The following IL1RAPL2 variants were observed in gnomAD, a reference collection of about 807,000 sequenced individuals.
The protein encoded by IL1RAPL2 is interleukin 1 receptor accessory protein like 2.
In IL1RAPL2, 3 loss-of-function variants were observed where a neutral mutation model predicts 44.1. That is an observed-to-expected ratio of 0.07 (90% CI 0.03 to 0.18). The LOEUF is 0.18. Ranked by LOEUF, IL1RAPL2 falls within the 10% of genes least tolerant of loss-of-function variation. The probability of loss-of-function intolerance (pLI) is 1.00; values close to 1 mark genes in which losing one functional copy is unlikely to be tolerated. For synonymous variants in IL1RAPL2, 181 were observed against 178.8 expected (o/e 1.01, Z -0.10); for missense variants, 391 against 496.4 (o/e 0.79, Z 2.02).
chrX:104,995,937 A>T (rs1023288222), intron 2 of IL1RAPL2, among the ~76,000 whole-genome samples: 4 of 112,084 alleles, frequency 3.6e-5, no homozygotes, highest in African/African-American at 1.3e-4. Flanking sequence ...CCACTCACAT[A>T]TATGGCTATT....
At chrX:105,335,441 C>T (rs1388578470) in intron 5 of IL1RAPL2, among the ~76,000 whole-genome samples, 2 of 111,094 alleles carry the variant, frequency 1.8e-5, no homozygotes, top group Non-Finnish European at 3.8e-5. Flanking sequence ...AGTGAGTCCT[C>T]GGTTCAGATG....
intron 2 of IL1RAPL2, among the ~76,000 whole-genome samples, chrX:104,676,892 C>G (rs182581987): frequency 8.9e-6 from 1 of 111,974 alleles, no homozygotes; most frequent in African/African-American, 3.2e-5. Context: ...TTGATCACAT[C>G]GGCTCTTGAG....
intron 2 of IL1RAPL2, among the ~76,000 whole-genome samples, chrX:104,909,982 C>G (rs1924178991): frequency 8.9e-6 from 1 of 112,602 alleles, no homozygotes; most frequent in Middle Eastern, 4.6e-3. Context: ...TGATCTCAGA[C>G]TGCTGTGCTA....
intron 2 of IL1RAPL2, among the ~76,000 whole-genome samples, chrX:104,752,755 G>T (rs757790252): frequency 2.7e-5 from 3 of 110,634 alleles, no homozygotes; most frequent in South Asian, 3.9e-4. Context: ...GATCACCTTC[G>T]TTATCTGCAG....
At chrX:104,567,793 C>A (rs971924036) in intron 1 of IL1RAPL2, among the ~76,000 whole-genome samples, 3 of 112,149 alleles carry the variant, frequency 2.7e-5, no homozygotes, top group African/African-American at 6.5e-5. Flanking sequence ...GCTCGCCTTG[C>A]CTCTCTGGGC....
At chrX:104,582,860 C>CTTTT (rs1569487710) in intron 1 of IL1RAPL2, among the ~76,000 whole-genome samples, 1 of 73,957 alleles carries the variant, frequency 1.4e-5, no homozygotes, top group African/African-American at 5.5e-5. Flanking sequence ...TTCTTTCTTT[C>CTTTT]TTTCTTTCTT....
intron 2 of IL1RAPL2, among the ~76,000 whole-genome samples, chrX:105,029,641 C>G (rs2031446156): frequency 1.8e-5 from 2 of 109,461 alleles, no homozygotes; most frequent in African/African-American, 3.4e-5. Context: ...TTTCTTAATC[C>G]TGTCTATCAT....
chrX:104,771,570 G>A (rs1172828168), intron 2 of IL1RAPL2, among the ~76,000 whole-genome samples: 1 of 112,549 alleles, frequency 8.9e-6, no homozygotes, highest in African/African-American at 3.2e-5. Context: ...TACCATAATA[G>A]TTGGGTTTTT....
chrX:104,963,165 T>G (rs2030041451), intron 2 of IL1RAPL2, among the ~76,000 whole-genome samples: 1 of 111,915 alleles, frequency 8.9e-6, no homozygotes, highest in South Asian at 3.8e-4. Flanking sequence ...AAGTGAGATC[T>G]GGATTTAATT....
chrX:105,146,487 G>T (rs1216885930), intron 2 of IL1RAPL2, among the ~76,000 whole-genome samples: 1 of 111,522 alleles, frequency 9.0e-6, no homozygotes, highest in Non-Finnish European at 1.9e-5. Flanking sequence ...ATAAATATTT[G>T]TATCTTATAC....
At chrX:104,655,325 T>G (rs1011729399) in intron 1 of IL1RAPL2, among the ~76,000 whole-genome samples, 2 of 111,384 alleles carry the variant, frequency 1.8e-5, no homozygotes, top group African/African-American at 6.5e-5. Context: ...AAATGGCTCT[T>G]ATTATTTTGA....
chrX:105,031,489 C>T (rs2031494720), intron 2 of IL1RAPL2, among the ~76,000 whole-genome samples: 1 of 111,790 alleles, frequency 8.9e-6, no homozygotes, highest in African/African-American at 3.3e-5. Flanking sequence ...TTTTCTGCAT[C>T]TATTGAGATA....
intron 5 of IL1RAPL2, among the ~76,000 whole-genome samples, chrX:105,303,152 C>T (rs182472335): frequency 2.7e-5 from 3 of 112,233 alleles, no homozygotes; most frequent in East Asian, 5.7e-4. Context: ...CTTTCATACC[C>T]TCTTTAGTGC....
At chrX:105,303,783 A>C (rs1040205673) in intron 5 of IL1RAPL2, among the ~76,000 whole-genome samples, 10 of 112,194 alleles carry the variant, frequency 8.9e-5, no homozygotes, top group Non-Finnish European at 1.5e-4. Flanking sequence ...TTCTCCTTCC[A>C]ATTGGGGAAA....
chrX:105,712,429 C>G (rs2038218664), intron 6 of IL1RAPL2, among the ~76,000 whole-genome samples: 1 of 110,764 alleles, frequency 9.0e-6, no homozygotes, highest in South Asian at 3.9e-4. Flanking sequence ...AAAGACACTA[C>G]CTGAGACTGG....
intron 2 of IL1RAPL2, among the ~76,000 whole-genome samples, chrX:104,718,253 C>T (rs990392184): frequency 9.0e-6 from 1 of 111,390 alleles, no homozygotes; most frequent in African/African-American, 3.3e-5. Flanking sequence ...TCTCCACATC[C>T]TCTCCAGCAC....
At chrX:104,714,022 C>T (rs189811606) in intron 2 of IL1RAPL2, among the ~76,000 whole-genome samples, 3 of 110,908 alleles carry the variant, frequency 2.7e-5, no homozygotes, top group African/African-American at 9.8e-5. Context: ...AATTTTGAGA[C>T]TATGGGGTTT....
rs1033940196 is a variant in IL1RAPL2, at chrX:105,325,510, T to C, written c.697+57969T>C. On this transcript the variant is annotated intron_variant, in intron 5 of 10. Transcript: ENST00000372582. ...GAACATTCGTGTATAAGTTCTTGAA[T>C]AAACATGTTTTCATTTTATCTCTCT... 2.4e-4 allele frequency among the ~76,000 whole-genome samples: 24 copies of C among 101,280 alleles called. 1 individual carries two copies. The Admixed American group carries it at 2.6e-3, about 11-fold the overall frequency. The allele number at this position is 101,280 out of a possible 115,157, so 87.9% of individuals were successfully genotyped here.
chrX:105,642,259 G>C (rs1036816327), intron 6 of IL1RAPL2, among the ~76,000 whole-genome samples: 128 of 111,138 alleles, frequency 1.2e-3, no homozygotes, highest in African/African-American at 4.0e-3. Flanking sequence ...TTTATACTCA[G>C]ACCTAAGTGA....
Sources: gnomAD v4.1 joint callset for allele counts (sites outside exome capture counted in the v4.1 genomes callset) on GRCh38, gnomAD v4.1.1 for gene constraint, MANE v1.5 for transcripts, NCBI Gene and HGNC (gene_info 2026-07-23, HGNC 2026-07-21) for gene names.